RBFOX1: variants seen among roughly 807,000 people sequenced by gnomAD.
RBFOX1 encodes the protein RNA binding fox-1 homolog 1.
Under a neutral mutation model 57.7 loss-of-function variants are expected in RBFOX1, and 8 were observed. That is an observed-to-expected ratio of 0.14 (90% CI 0.08 to 0.25). The LOEUF (loss-of-function observed/expected upper bound fraction) is 0.25, where lower values mean the gene tolerates loss of function less well. Ranked by LOEUF, RBFOX1 falls within the 10% of genes least tolerant of loss-of-function variation. RBFOX1 has a pLI of 1.00. For synonymous variants in RBFOX1, 326 were observed against 222.4 expected (o/e 1.47, Z -4.15); for missense variants, 611 against 548.5 (o/e 1.11, Z -1.14).
chr16:6,239,479 C>G (rs907857541), intron 1 of RBFOX1, among the ~76,000 whole-genome samples: 1 of 136,646 alleles, frequency 7.3e-6, no homozygotes, highest in African/African-American at 2.7e-5. Flanking sequence ...TCTTCTCCAA[C>G]TGACTCTTTT....
chr16:6,930,096 G>C (rs867432175), intron 3 of RBFOX1, among the ~76,000 whole-genome samples: 77 of 152,150 alleles, frequency 5.1e-4, no homozygotes, highest in African/African-American at 1.7e-3. Context: ...TACTCGGCCT[G>C]CTCTTGAATG....
intron 4 of RBFOX1, among the ~76,000 whole-genome samples, chr16:7,409,025 C>G (rs2098393088): frequency 6.6e-6 from 1 of 152,150 alleles, no homozygotes; most frequent in South Asian, 2.1e-4. Context: ...CTGGGCTGGG[C>G]TTTTCTTCAT....
intron 3 of RBFOX1, among the ~76,000 whole-genome samples, chr16:5,771,138 C>T (rs2053963637): frequency 6.6e-6 from 1 of 152,214 alleles, no homozygotes; most frequent in Non-Finnish European, 1.5e-5. Context: ...AGCGTGTTCA[C>T]TAGAGCAACA....
chr16:6,270,854 A>C (rs1038860527), intron 1 of RBFOX1, among the ~76,000 whole-genome samples: 6 of 152,246 alleles, frequency 3.9e-5, no homozygotes, highest in Admixed American at 3.9e-4. Flanking sequence ...TACAGTGACC[A>C]CAATGGAATT....
chr16:6,272,019 A>G (rs1364054120), intron 1 of RBFOX1, among the ~76,000 whole-genome samples: 1 of 152,176 alleles, frequency 6.6e-6, no homozygotes, highest in Non-Finnish European at 1.5e-5. Context: ...ACTGTAGACT[A>G]ATATTCTTGA....
At chr16:7,410,204 C>T (rs1249922485) in intron 4 of RBFOX1, among the ~76,000 whole-genome samples, 4 of 152,048 alleles carry the variant, frequency 2.6e-5, no homozygotes, top group Non-Finnish European at 4.4e-5. Context: ...CGCTGGGTGA[C>T]CGCTATGGTC....
intron 4 of RBFOX1, among the ~76,000 whole-genome samples, chr16:7,362,406 T>C (rs571704084): frequency 4.6e-5 from 7 of 151,824 alleles, no homozygotes; most frequent in South Asian, 4.2e-4. Context: ...ATTGTGTGTA[T>C]ATGTTTTGTG....
chr16:7,458,818 C>A (rs774279829), intron 4 of RBFOX1, among the ~76,000 whole-genome samples: 9 of 152,168 alleles, frequency 5.9e-5, no homozygotes, highest in Non-Finnish European at 1.2e-4. Flanking sequence ...CCTTTCCTAG[C>A]TGACTTTTGC....
intron 4 of RBFOX1, among the ~76,000 whole-genome samples, chr16:7,152,820 G>C (rs951982592): frequency 6.6e-6 from 1 of 152,122 alleles, no homozygotes; most frequent in Non-Finnish European, 1.5e-5. Context: ...CCCTAGAAGA[G>C]ACAATGGAAG....
intron 1 of RBFOX1, among the ~76,000 whole-genome samples, chr16:5,262,304 G>C (rs1397601982): frequency 1.3e-5 from 2 of 152,312 alleles, no homozygotes; most frequent in East Asian, 1.9e-4. Context: ...ATGTATCTCT[G>C]AGGTATTCTG....
In RBFOX1 at chr16:6,542,411, T is replaced by C. The variant is rs8057869; in HGVS notation, c.-63-112192T>C. ...ACCCCATGTGTGCTTTCCTCTGAGC[T>C]CAACAACTGCAGCTAAGAAAGGTGT... On this transcript the variant is annotated intron_variant, in intron 2 of 15. Transcript: ENST00000550418. Among the ~76,000 whole-genome samples, 1,087 of 149,434 alleles carry C rather than the reference T, an allele frequency of 7.3e-3. 12 individuals are homozygous for C. The highest frequency in any genetic ancestry group is 0.024 in the African/African-American group (979 of 40,700).
rs187195810 is a variant in RBFOX1, at chr16:7,210,457, A to T, written c.27+158359A>T. Among the ~76,000 whole-genome samples, 41 of 152,012 alleles carry T rather than the reference A, an allele frequency of 2.7e-4. 1 individual carries two copies. The highest frequency in any genetic ancestry group is 3.4e-3 in the Middle Eastern group (1 of 294). On this transcript the variant is annotated intron_variant, in intron 4 of 15. Coordinates refer to ENST00000550418, the MANE Select transcript of RBFOX1 (RefSeq NM_018723.4). ...TACACTCACCAAGATTTCTTAAGAC[A>T]ATCTACTTTACTTAAAGACAATCAA...
chr16:6,498,383 A>G (rs2095831554), intron 2 of RBFOX1, among the ~76,000 whole-genome samples: 2 of 152,180 alleles, frequency 1.3e-5, no homozygotes, highest in African/African-American at 4.8e-5. Flanking sequence ...ATATCATTGT[A>G]TTTCGTTAAT....
At chr16:7,038,952 A>G (rs1392806670) in intron 3 of RBFOX1, among the ~76,000 whole-genome samples, 1 of 152,178 alleles carries the variant, frequency 6.6e-6, no homozygotes, top group Non-Finnish European at 1.5e-5. Context: ...TAATCAGATA[A>G]CCAACACTTG....
intron 1 of RBFOX1, among the ~76,000 whole-genome samples, chr16:5,447,573 T>G (rs506461): frequency 0.059 from 8,968 of 152,150 alleles, 703 homozygotes; most frequent in African/African-American, 0.18. Context: ...AATTTTTGTA[T>G]TTTTAATAGA....
At chr16:6,845,339 CTTGAG>C (rs754194929) in intron 3 of RBFOX1, among the ~76,000 whole-genome samples, 54 of 150,870 alleles carry the variant, frequency 3.6e-4, no homozygotes, top group Non-Finnish European at 5.5e-4. Flanking sequence ...TTTAATCTTT[CTTGAG>C]TTAATTTTTG....
intron 4 of RBFOX1, chr16:7,510,166 T>A (rs1600433370): frequency 8.1e-6 from 8 of 985,726 alleles, no homozygotes; most frequent in Non-Finnish European, 9.6e-6. Context: ...GCCCCCCACC[T>A]TCCTCAACAC....
At chr16:6,184,164 C>G (rs535809160) in intron 1 of RBFOX1, among the ~76,000 whole-genome samples, 1 of 152,074 alleles carries the variant, frequency 6.6e-6, no homozygotes, top group Non-Finnish European at 1.5e-5. Context: ...GGAAACTGCC[C>G]CCATGATTCA....
At chr16:6,136,169 A>G (rs1003270129) in intron 1 of RBFOX1, among the ~76,000 whole-genome samples, 1 of 152,132 alleles carries the variant, frequency 6.6e-6, no homozygotes, top group Non-Finnish European at 1.5e-5. Flanking sequence ...AACACCTATT[A>G]GAGGAAGTCT....
Sources: gnomAD v4.1 joint callset for allele counts (sites outside exome capture counted in the v4.1 genomes callset) on GRCh38, gnomAD v4.1.1 for gene constraint, MANE v1.5 for transcripts, NCBI Gene and HGNC (gene_info 2026-07-23, HGNC 2026-07-21) for gene names.